The following SORBS2 variants were observed in gnomAD, a reference collection of about 807,000 sequenced individuals.
The protein encoded by SORBS2 is sorbin and SH3 domain containing 2.
Under a neutral mutation model 97.7 loss-of-function variants are expected in SORBS2, and 46 were observed. The observed-to-expected ratio is 0.47, with a 90% CI of 0.37 to 0.60. The LOEUF is 0.60. SORBS2 is among the 20% of genes least tolerant of loss of function. The pLI is 0.00. For synonymous variants in SORBS2, 476 were observed against 473.4 expected, an observed-to-expected ratio of 1.01 and a Z score of -0.07; for missense variants, 1,316 against 1,282.3, an observed-to-expected ratio of 1.03 and a Z score of -0.40.
At chr4:185,766,965 T>G (rs1488133105) in intron 2 of SORBS2, among the ~76,000 whole-genome samples, 1 of 152,200 alleles carries the variant, frequency 6.6e-6, no homozygotes, top group African/African-American at 2.4e-5. Flanking sequence ...AGCTGGTCTT[T>G]AAAATTTTTT....
intron 2 of SORBS2, among the ~76,000 whole-genome samples, chr4:185,761,231 A>G (rs1405903820): frequency 6.6e-6 from 1 of 152,200 alleles, no homozygotes; most frequent in Non-Finnish European, 1.5e-5. Context: ...TTACTTCAAT[A>G]TCCCTCTGTT....
intron 1 of SORBS2, among the ~76,000 whole-genome samples, chr4:185,868,013 C>T (rs1391123172): frequency 6.6e-6 from 1 of 152,098 alleles, no homozygotes; most frequent in Non-Finnish European, 1.5e-5. Flanking sequence ...TCCTTCGGGA[C>T]ATTCCCTAAT....
intron 1 of SORBS2, among the ~76,000 whole-genome samples, chr4:185,780,338 T>C (rs557630299): frequency 1.3e-5 from 2 of 152,248 alleles, no homozygotes; most frequent in South Asian, 4.1e-4. Flanking sequence ...TTTATGCTTG[T>C]CTGCTTCAAC....
chr4:185,624,370 T>C, exon 7 of SORBS2: 2 of 1,614,216 alleles, frequency 1.2e-6, no homozygotes, highest in Admixed American at 3.3e-5. Context: ...TAATGGCTCT[T>C]GGTGAGTCCC....
intron 1 of SORBS2, among the ~76,000 whole-genome samples, chr4:185,880,419 A>G (rs902994979): frequency 2.0e-5 from 3 of 152,236 alleles, no homozygotes; most frequent in Non-Finnish European, 4.4e-5. Flanking sequence ...TTAAAACAAA[A>G]CAAGGAATAT....
intron 1 of SORBS2, among the ~76,000 whole-genome samples, chr4:185,924,735 C>T (rs1029891051): frequency 3.3e-5 from 5 of 152,196 alleles, no homozygotes; most frequent in African/African-American, 1.2e-4. Flanking sequence ...CTCCTCCAGA[C>T]TCCTCATATA....
chr4:185,695,747 A>T (rs2098166936), intron 2 of SORBS2, among the ~76,000 whole-genome samples: 1 of 152,226 alleles, frequency 6.6e-6, no homozygotes, highest in Non-Finnish European at 1.5e-5. Context: ...ATTATAGTCA[A>T]ATGACTTAAT....
chr4:185,836,174 C>T (rs906436366), intron 1 of SORBS2, among the ~76,000 whole-genome samples: 9 of 152,132 alleles, frequency 5.9e-5, no homozygotes, highest in Non-Finnish European at 1.0e-4. Context: ...GAACCGATTT[C>T]TCATTTGCTT....
At chr4:185,798,494 A>T (rs1260951260) in intron 1 of SORBS2, among the ~76,000 whole-genome samples, 1 of 152,124 alleles carries the variant, frequency 6.6e-6, no homozygotes, top group African/African-American at 2.4e-5. Context: ...AAGCAGAAAA[A>T]ACTCGTGGAG....
chr4:185,944,253 C>T (rs944699886), intron 1 of SORBS2, among the ~76,000 whole-genome samples: 1 of 152,108 alleles, frequency 6.6e-6, no homozygotes, highest in Non-Finnish European at 1.5e-5. Context: ...CTTTCGGGGC[C>T]CCAAATAGAG....
chr4:185,716,402 G>A (rs532513111), intron 2 of SORBS2, among the ~76,000 whole-genome samples: 4 of 152,322 alleles, frequency 2.6e-5, no homozygotes, highest in South Asian at 4.1e-4. Flanking sequence ...CAGTGGATGC[G>A]TATACACGAA....
chr4:185,924,731 C>T (rs963777505), intron 1 of SORBS2, among the ~76,000 whole-genome samples: 1 of 152,214 alleles, frequency 6.6e-6, no homozygotes. Context: ...CCGCCTCCTC[C>T]AGACTCCTCA....
intron 1 of SORBS2, among the ~76,000 whole-genome samples, chr4:185,835,033 G>A (rs1252144197): frequency 6.6e-6 from 1 of 152,148 alleles, no homozygotes; most frequent in East Asian, 1.9e-4. Context: ...GTTCCCTGGA[G>A]ATCTGGTTAT....
At chr4:185,897,620 G>A (rs541511182) in intron 1 of SORBS2, among the ~76,000 whole-genome samples, 2 of 152,248 alleles carry the variant, frequency 1.3e-5, no homozygotes, top group South Asian at 4.2e-4. Flanking sequence ...TTTCTCCTAG[G>A]CCCTGACACA....
At chr4:185,602,942 A>C (rs1043364821) in intron 12 of SORBS2, among the ~76,000 whole-genome samples, 1 of 152,244 alleles carries the variant, frequency 6.6e-6, no homozygotes, top group African/African-American at 2.4e-5. Context: ...CCTAAATAGG[A>C]GATAAAACAG....
chr4:185,747,029 A>G lies in SORBS2; in HGVS notation c.-198+28198T>C, dbSNP rs140348137. 1.4e-4 allele frequency among the ~76,000 whole-genome samples: 22 copies of G among 152,238 alleles called. No individual in the cohort carries two copies. The East Asian group carries it at 3.5e-3, about 24-fold the overall frequency. ...AGAAGAGTGCCGGGCGCAGTGGCTC[A>G]CGCCTATGATGCCACTGCACTCCAG... On this transcript the variant is annotated intron_variant, in intron 2 of 20. Transcript: ENST00000284776.
chr4:185,759,621 T>C (rs2098854975), intron 2 of SORBS2, among the ~76,000 whole-genome samples: 1 of 152,132 alleles, frequency 6.6e-6, no homozygotes, highest in Admixed American at 6.5e-5. Flanking sequence ...AAGGGTTTTT[T>C]TTTTTTCTGT....
chr4:185,895,147 G>C (rs2099244406), intron 1 of SORBS2, among the ~76,000 whole-genome samples: 1 of 152,180 alleles, frequency 6.6e-6, no homozygotes, highest in South Asian at 2.1e-4. Flanking sequence ...TAGGCCCACC[G>C]GGGGCCAAAA....
chr4:185,715,581 G>T (rs62334783), intron 2 of SORBS2, among the ~76,000 whole-genome samples: 28,556 of 152,048 alleles, frequency 0.19, 2,888 homozygotes, highest in Middle Eastern at 0.24. Context: ...AACTTACCAG[G>T]ATTAAAAGAC....
Sources: allele counts gnomAD v4.1 joint callset (sites outside exome capture counted in the v4.1 genomes callset), GRCh38; gene constraint gnomAD v4.1.1; transcripts MANE v1.5; gene names NCBI Gene and HGNC (gene_info 2026-07-23, HGNC 2026-07-21).